The following SCHIP1 variants were observed in gnomAD, a reference collection of about 807,000 sequenced individuals.
The protein encoded by SCHIP1 is schwannomin interacting protein 1.
Under a neutral mutation model 29.7 loss-of-function variants are expected in SCHIP1, and 8 were observed. The observed-to-expected ratio is 0.27, with a 90% CI of 0.16 to 0.49. The LOEUF (loss-of-function observed/expected upper bound fraction) is 0.49. SCHIP1 is among the 20% of genes least tolerant of loss of function. The pLI is 0.99. For synonymous variants in SCHIP1, 76 were observed against 94.9 expected (o/e 0.80, Z 1.16); for missense variants, 193 against 294.6 (o/e 0.66, Z 2.52).
chr3:159,380,255 T>C, the SCHIP1 span, among the ~76,000 whole-genome samples: 1 of 152,178 alleles, frequency 6.6e-6, no homozygotes, highest in African/African-American at 2.4e-5. Context: ...TCGATGGGCA[T>C]TGGGTTGTAC....
chr3:159,467,142 C>T, the SCHIP1 span, among the ~76,000 whole-genome samples: 1 of 152,056 alleles, frequency 6.6e-6, no homozygotes, highest in Non-Finnish European at 1.5e-5. Context: ...CTTGTCTAAT[C>T]TCATTTCTTC....
At chr3:159,865,180 C>T (rs1714489408) in intron 1 of SCHIP1, among the ~76,000 whole-genome samples, 1 of 152,140 alleles carries the variant, frequency 6.6e-6, no homozygotes, top group Non-Finnish European at 1.5e-5. Context: ...GTCTTCAACC[C>T]CTTGCTCAGT....
chr3:159,394,787 G>GT, the SCHIP1 span, among the ~76,000 whole-genome samples: 1 of 152,028 alleles, frequency 6.6e-6, no homozygotes, highest in East Asian at 1.9e-4. Context: ...TTTTTTGGTT[G>GT]TGTCTCTGCC....
the SCHIP1 span, among the ~76,000 whole-genome samples, chr3:159,429,570 G>T: frequency 6.6e-5 from 10 of 152,112 alleles, no homozygotes; most frequent in Non-Finnish European, 1.3e-4. Flanking sequence ...CCCTCCAACT[G>T]TAAAGTATTT....
the SCHIP1 span, among the ~76,000 whole-genome samples, chr3:159,785,546 C>T: frequency 6.6e-6 from 1 of 150,716 alleles, no homozygotes; most frequent in Non-Finnish European, 1.5e-5. Context: ...AATGTAAATA[C>T]AGAGCCATCC....
At chr3:159,718,678 A>T in the SCHIP1 span, among the ~76,000 whole-genome samples, 1 of 152,184 alleles carries the variant, frequency 6.6e-6, no homozygotes, top group Non-Finnish European at 1.5e-5. Context: ...CTTACAAGAG[A>T]TGTGAAGGAC....
In SCHIP1 at chr3:159,853,430, A is replaced by T. The variant is rs1295590130; in HGVS notation, c.31-12733A>T. ...ATGACATCATCAGTCAAGAATCCTC[A>T]TTGGATATGGAGGGGAATTATAAAA... On this transcript the variant is annotated intron_variant, in intron 1 of 6. Transcript: ENST00000445224. The T allele has an allele frequency of 4.3e-6, 3 of 698,994 alleles. No individual in the cohort carries two copies. The East Asian group carries it at 8.1e-5, about 19-fold the overall frequency. The allele number at this position is 698,994 out of a possible 1,614,324, so 43.3% of individuals were successfully genotyped here. A position where few individuals can be genotyped will look rare whatever the true frequency, so the allele number is the denominator to read the frequency against.
At chr3:159,653,536 A>G in the SCHIP1 span, among the ~76,000 whole-genome samples, 1 of 144,060 alleles carries the variant, frequency 6.9e-6, no homozygotes, top group Non-Finnish European at 1.5e-5. Flanking sequence ...GAGTTGAACA[A>G]TGAGAACACA....
chr3:159,894,492 A>G (rs1214664793), intron 6 of SCHIP1: 1 of 152,222 alleles, frequency 6.6e-6, no homozygotes, highest in Non-Finnish European at 1.5e-5. Context: ...TTCGATCATA[A>G]GACTGTGTTA....
At chr3:159,357,941 G>C in the SCHIP1 span, among the ~76,000 whole-genome samples, 3 of 152,326 alleles carry the variant, frequency 2.0e-5, no homozygotes, top group Admixed American at 1.3e-4. Context: ...TCAGGCTAAA[G>C]AACAGCTGAT....
At chr3:159,796,465 G>A in the SCHIP1 span, among the ~76,000 whole-genome samples, 1 of 152,146 alleles carries the variant, frequency 6.6e-6, no homozygotes, top group Non-Finnish European at 1.5e-5. Context: ...TGCCAGGGAG[G>A]AGTGATCATG....
intron 5 of SCHIP1, 84 bp from the exon 7 acceptor site, chr3:159,892,013 G>T: frequency 1.4e-6 from 2 of 1,444,250 alleles, no homozygotes; most frequent in Non-Finnish European, 1.9e-6. Flanking sequence ...GTAGCTGTTT[G>T]TGTGTATACT....
chr3:159,279,109 C>T, the SCHIP1 span, among the ~76,000 whole-genome samples: 125 of 152,286 alleles, frequency 8.2e-4, 1 homozygote, highest in African/African-American at 2.8e-3. Flanking sequence ...TGTGTCCCCA[C>T]CCAAATCTCA....
At chr3:159,629,511 C>T in the SCHIP1 span, among the ~76,000 whole-genome samples, 1 of 152,114 alleles carries the variant, frequency 6.6e-6, no homozygotes, top group African/African-American at 2.4e-5. Flanking sequence ...TGAATCATGC[C>T]TATCAACAGG....
At chr3:159,486,310 T>C in the SCHIP1 span, among the ~76,000 whole-genome samples, 1 of 152,188 alleles carries the variant, frequency 6.6e-6, no homozygotes, top group Non-Finnish European at 1.5e-5. Flanking sequence ...CCCTACCCTC[T>C]TCCCCATGTC....
chr3:159,750,579 GTC>G, the SCHIP1 span, among the ~76,000 whole-genome samples: 1 of 152,046 alleles, frequency 6.6e-6, no homozygotes, highest in Non-Finnish European at 1.5e-5. Context: ...GAATCAGATA[GTC>G]TATCCTTGGC....
the SCHIP1 span, among the ~76,000 whole-genome samples, chr3:159,364,575 C>T: frequency 6.6e-6 from 1 of 152,150 alleles, no homozygotes; most frequent in Non-Finnish European, 1.5e-5. Context: ...AATATTCTCC[C>T]TGTGGCTACC....
At chr3:159,661,689 C>T in the SCHIP1 span, among the ~76,000 whole-genome samples, 1 of 152,224 alleles carries the variant, frequency 6.6e-6, no homozygotes, top group South Asian at 2.1e-4. Context: ...TCTAGTGTTT[C>T]CCAGGGCACC....
the SCHIP1 span, among the ~76,000 whole-genome samples, chr3:159,323,727 C>A: frequency 1.0e-3 from 156 of 152,292 alleles, 2 homozygotes; most frequent in South Asian, 0.024. Context: ...GAATCAGCCA[C>A]TGTCACTTGG....
Sources: allele counts gnomAD v4.1 joint callset (sites outside exome capture counted in the v4.1 genomes callset), GRCh38; gene constraint gnomAD v4.1.1; transcripts MANE v1.5; gene names NCBI Gene and HGNC (gene_info 2026-07-23, HGNC 2026-07-21).